Variants in MYO15A observed in about 807,000 individuals in gnomAD.
The protein encoded by MYO15A is unconventional myosin-XV.
MYO15A carries 308 observed loss-of-function variants against 394.6 expected under a neutral mutation model. The observed-to-expected ratio is 0.78, with a 90% CI of 0.71 to 0.86. MYO15A has a LOEUF of 0.86. Among genes scored for constraint, MYO15A ranks in the 40% least tolerant of loss-of-function variants. The pLI, the probability that MYO15A is intolerant of heterozygous loss-of-function variation, is 0.00. For missense variants in MYO15A, 4,606 were observed against 4,799.1 expected (o/e 0.96, Z 1.19); for synonymous variants, 1,957 against 2,003.8 (o/e 0.98, Z 0.62).
chr17:18,149,793 G>A (rs1166400376), intron 35 of MYO15A: 2 of 624,322 alleles, frequency 3.2e-6, no homozygotes, highest in East Asian at 5.7e-5. Context: ...CCCACAGTTA[G>A]AAGTGCACCT....
chr17:18,125,538 CAA>C (rs34328243), intron 4 of MYO15A: 14,431 of 278,704 alleles, frequency 0.052, 1 homozygote, highest in Non-Finnish European at 0.073. Flanking sequence ...ACTAAAAATA[CAA>C]AAAAAAAAAA....
chr17:18,138,374 C>T (rs551730135), intron 17 of MYO15A, 128 bp downstream of exon 17: 155 of 1,210,134 alleles, frequency 1.3e-4, no homozygotes, highest in Non-Finnish European at 1.5e-4. Context: ...TTGGGACACC[C>T]GACCTACTAT....
intron 40 of MYO15A, 24 bp from the exon 41 acceptor site, chr17:18,151,822 A>ACCACAGTACTCCAATGC (rs2046588180): frequency 1.9e-6 from 3 of 1,560,018 alleles, no homozygotes; most frequent in African/African-American, 1.3e-5. Context: ...GTGTCAACCC[A>ACCACAGTACTCCAATGC]CCACAGTACT....
rs372116433 is a variant in MYO15A at position 18,127,133 on chromosome 17, G to A, written c.4000G>A (p.Ala1334Thr). The change falls in exon 7 of 66, where the codon GCC (alanine) becomes ACC (threonine). Residue 1334 changes from alanine (A) to threonine (T), a missense_variant. Ala to Thr is a moderately conservative substitution (Grantham distance 58). This residue lies in a region of MYO15A where 2,776 missense variants were observed against 3,109.3 expected (regional missense o/e 0.89). Coordinates refer to ENST00000647165, the MANE Select transcript of MYO15A (RefSeq NM_016239.4). The part of the protein sequence containing the change: ...ATKLILRYLA[A>T]MNQKREVMQQ... Reference sequence around the variant, plus strand: ...CAAGCTGATTCTGCGCTACCTGGCCGCCATGAACCAGAAACGGGAGGTCAT... The same window carrying A: ...CAAGCTGATTCTGCGCTACCTGGCCACCATGAACCAGAAACGGGAGGTCAT... The A allele has an allele frequency of 2.9e-5, 46 of 1,613,744 alleles. No homozygotes were observed. Among genetic ancestry groups the A allele is most frequent in the Non-Finnish European group, 3.6e-5 (43 of 1,179,964 alleles).
Position 18,167,592 on chromosome 17 carries a change from C to G in MYO15A, c.9951C>G (p.Val3317=), listed in dbSNP as rs780864387. ...ELYVTMHYNQ[V]LPDYLKGLFS... ...CCTCACCCAGGTGCTCCCTGCAGGTCCTGCCTGACTACCTGAAGGGACTCT... is the reference window on the plus strand; with the variant it reads ...CCTCACCCAGGTGCTCCCTGCAGGTGCTGCCTGACTACCTGAAGGGACTCT... Residue 3317 remains valine, a splice_region_variant and synonymous_variant, in exon 62 of 66, where the codon GTC becomes GTG. Coordinates refer to ENST00000647165, the MANE Select transcript of MYO15A (RefSeq NM_016239.4). 5.0e-6 allele frequency: 8 copies of G among 1,602,244 alleles called. No homozygotes were observed. The highest frequency in any genetic ancestry group is 6.8e-6 in the Non-Finnish European group (8 of 1,179,882).
intron 1 of MYO15A, among the ~76,000 whole-genome samples, chr17:18,111,385 C>T (rs1438373819): frequency 6.7e-6 from 1 of 148,674 alleles, no homozygotes; most frequent in Non-Finnish European, 1.5e-5. Context: ...GTGTCCCCTA[C>T]AACACAGGGA....
rs1281099055 is a variant in MYO15A, at chr17:18,121,323, G to A, written c.2523G>A (p.Pro841=). The A allele has an allele frequency of 2.3e-5, 31 of 1,358,092 alleles. No individual in the cohort carries two copies. The highest frequency in any genetic ancestry group is 1.1e-4 in the Admixed American group (3 of 26,246). 84.1% of individuals were successfully genotyped at this position (1,358,092 alleles called of 1,614,324 possible). The change falls in exon 2 of 66, where the codon CCG becomes CCA. Residue 841 remains proline (P), a synonymous_variant. Transcript: ENST00000647165. The surrounding 1 kb of genome is among the most constrained non-coding windows in gnomAD (Gnocchi z 5.3). ...TGGGCCCACCCGGCTCGCCGCTGCC[G>A]GGCTCACCCAGGCCGCCCTCGCCGC... ...GRLGPPGSPL[P]GSPRPPSPPL... is the part of the protein sequence containing the mutation.
chr17:18,141,095 G>C lies in MYO15A; in HGVS notation c.5483G>C (p.Arg1828Pro). ...GGGGTGCTGGAGACCGTGAGGATCC[G>C]CAAGGAGGGATTTCCAGTGCGCCTG... ...YSGVLETVRI[R>P]KEGFPVRLPF... The change falls in exon 22 of 66, where the codon CGC (arginine) becomes CCC (proline). Residue 1828 changes from arginine to proline, a missense_variant. By Grantham distance (103) the Arg-to-Pro change is moderately radical. Transcript: ENST00000647165. 6.2e-7 allele frequency: 1 copy of C among 1,614,004 alleles called. No individual in the cohort carries two copies. The highest frequency in any genetic ancestry group is 8.5e-7 in the Non-Finnish European group (1 of 1,180,042).
chr17:18,164,035 G>C (rs2046813818), intron 60 of MYO15A, 197 bp downstream of exon 60: 1 of 637,196 alleles, frequency 1.6e-6, no homozygotes, highest in South Asian at 1.7e-5. Context: ...GCTTTGCTTA[G>C]TTTGCCTCAC....
intron 64 of MYO15A, 94 bp from the exon 65 acceptor site, chr17:18,173,687 G>C: frequency 6.4e-7 from 1 of 1,556,432 alleles, no homozygotes; most frequent in Non-Finnish European, 8.9e-7. Flanking sequence ...TGAGTCTCCT[G>C]CCTCCTACAG....
At position 18,119,853 on chromosome 17, in the gene MYO15A, G is replaced by A. The variant is rs2045875920; in HGVS notation, c.1053G>A (p.Ala351=). 1 of 1,612,938 alleles carries A rather than the reference G, an allele frequency of 6.2e-7. No homozygotes were observed. Among genetic ancestry groups the A allele is most frequent in the Non-Finnish European group, 8.5e-7 (1 of 1,179,982 alleles). The part of the protein sequence containing the change: ...YYLDPYAPYD[A]PYPPYDLPYH... ...TGGATCCCTATGCGCCGTACGACGC[G>A]CCATACCCACCCTATGACCTCCCAT... Residue 351 remains alanine, a synonymous_variant, in exon 2 of 66, where the codon GCG becomes GCA. Transcript: ENST00000647165.
Position 18,120,834 on chromosome 17 carries a change from G to T in MYO15A, c.2034G>T (p.Pro678=). 1 of 1,172,968 alleles carries T rather than the reference G, an allele frequency of 8.5e-7. No homozygotes were observed. The highest frequency in any genetic ancestry group is 1.1e-6 in the Non-Finnish European group (1 of 950,386). 72.7% of individuals were successfully genotyped at this position (1,172,968 alleles called of 1,614,324 possible). A position where few individuals can be genotyped will look rare whatever the true frequency, so the allele number is the denominator to read the frequency against. Residue 678 remains proline (P), a synonymous_variant, in exon 2 of 66, where the codon CCG becomes CCT. Transcript: ENST00000647165. ...RPPSSGPPPA[P]PLSPALSGLP... ...CAAGCTCCGGGCCCCCGCCCGCGCC[G>T]CCGCTCTCCCCGGCGCTCTCGGGCC... is the stretch of plus-strand genomic sequence containing the variant.
chr17:18,129,149 A>T (rs1027872423), intron 7 of MYO15A, among the ~76,000 whole-genome samples: 3 of 152,194 alleles, frequency 2.0e-5, no homozygotes, highest in African/African-American at 7.2e-5. Context: ...CAGAAATGAA[A>T]CATTCAGAGC....
chr17:18,130,699 T>C lies in MYO15A; in HGVS notation c.4033-106T>C. On this transcript the variant is annotated intron_variant, in intron 7 of 65. Coordinates refer to ENST00000647165, the MANE Select transcript of MYO15A (RefSeq NM_016239.4). ...TCACAGGTTTTTACTAGTCCCTCCC[T>C]GGTCTGAGGCTCCTAGTCTCCTGGA... 2 of 1,592,376 alleles carry C rather than the reference T, an allele frequency of 1.3e-6. 1 individual carries two copies. The highest frequency in any genetic ancestry group is 2.3e-5 in the South Asian group (2 of 88,250).
At chr17:18,174,094 A>C (rs1327710139) in intron 65 of MYO15A, among the ~76,000 whole-genome samples, 173 bp downstream of exon 65, 1 of 152,224 alleles carries the variant, frequency 6.6e-6, no homozygotes, top group Admixed American at 6.5e-5. Context: ...CATCCAGGGA[A>C]GCAACTTGGC....
At chr17:18,127,560 G>C (rs1054112591) in intron 7 of MYO15A, among the ~76,000 whole-genome samples, 1 of 152,160 alleles carries the variant, frequency 6.6e-6, no homozygotes, top group African/African-American at 2.4e-5. Context: ...CAAGAGGCAG[G>C]GCAGGCCTGA....
rs200677651 is a variant in MYO15A at position 18,150,454 on chromosome 17, C to A, written c.7238C>A (p.Ala2413Asp). The change falls in exon 36 of 66, where the codon GCC becomes GAC. Residue 2413 changes from alanine (A) to aspartate (D), a missense_variant. By Grantham distance (126) the Ala-to-Asp change is moderately radical (BLOSUM62 -2). This residue lies in a region of MYO15A where 2,776 missense variants were observed against 3,109.3 expected (regional missense o/e 0.89). Coordinates refer to ENST00000647165, the MANE Select transcript of MYO15A (RefSeq NM_016239.4). The surrounding 1 kb of genome is among the most constrained non-coding windows in gnomAD (Gnocchi z 4.4). ...DADLEKPTAI[A>D]YRMKGGGQPG... ...GACCTGGAGAAGCCAACAGCCATTG[C>A]CTACCGCATGAAAGGGGGAGGCCAG... 3 of 1,613,962 alleles carry A rather than the reference C, an allele frequency of 1.9e-6. No individual in the cohort carries two copies. The highest frequency in any genetic ancestry group is 2.5e-6 in the Non-Finnish European group (3 of 1,180,008).
chr17:18,113,254 C>T (rs751065545), intron 1 of MYO15A, among the ~76,000 whole-genome samples: 17 of 152,102 alleles, frequency 1.1e-4, no homozygotes, highest in African/African-American at 4.1e-4. Context: ...CTGGCTCAAG[C>T]GATCCTCCCA....
In MYO15A at chr17:18,141,782, C is replaced by T. The variant is rs1290983260; in HGVS notation, c.5649+12C>T. On this transcript the variant is annotated intron_variant, in intron 23 of 65. Coordinates refer to ENST00000647165, the MANE Select transcript of MYO15A (RefSeq NM_016239.4). ...TTGGGGTCAGCAAGGTGAGTCCTGC[C>T]CGACAGTCAGCCCTTGGAGACCCCA... The T allele has an allele frequency of 1.9e-6, 3 of 1,613,418 alleles. No individual in the cohort carries two copies. Among genetic ancestry groups the T allele is most frequent in the Non-Finnish European group, 2.5e-6 (3 of 1,179,502 alleles).
Sources: allele counts gnomAD v4.1 joint callset (sites outside exome capture counted in the v4.1 genomes callset), GRCh38; gene constraint gnomAD v4.1.1; regional missense constraint gnomAD v4.1.1; non-coding constraint Gnocchi (gnomAD v3.1); transcripts MANE v1.5; gene names NCBI Gene and HGNC (gene_info 2026-07-23, HGNC 2026-07-21).